The following LARGE1 variants were observed in gnomAD, a reference collection of about 807,000 sequenced individuals.
LARGE1 encodes xylosyl- and glucuronyltransferase LARGE1.
LARGE1 carries 43 observed loss-of-function variants against 87.6 expected under a neutral mutation model. The ratio of observed to expected loss-of-function variants is 0.49; its 90% CI spans 0.38 to 0.63. The LOEUF (loss-of-function observed/expected upper bound fraction) is 0.63, where lower values mean the gene tolerates loss of function less well. LARGE1 is among the 30% of genes least tolerant of loss of function. LARGE1 has a pLI of 0.00. For synonymous variants in LARGE1, 434 were observed against 394.6 expected (o/e 1.10, Z -1.18); for missense variants, 802 against 1,000.2 (o/e 0.80, Z 2.67).
the LARGE1 span, among the ~76,000 whole-genome samples, chr22:33,070,428 G>C: frequency 6.0e-4 from 91 of 152,306 alleles, no homozygotes; most frequent in African/African-American, 2.0e-3. Flanking sequence ...GGGTGGGTTA[G>C]AGAAGGTGGT....
rs565517366 is a variant in LARGE1 at position 33,859,874 on chromosome 22, C to T, written c.-83+60121G>A. 5.3e-5 allele frequency among the ~76,000 whole-genome samples: 8 copies of T among 152,288 alleles called. No homozygotes were observed. The East Asian group carries it at 1.4e-3, about 26-fold the overall frequency. On this transcript the variant is annotated intron_variant, in intron 1 of 14. Coordinates refer to ENST00000397394, the MANE Select transcript of LARGE1 (RefSeq NM_133642.5). ...CTCATGCTAAGTGAAATACGCCAGT[C>T]ACAAAACAACAAATACTATATCATT...
At chr22:33,135,107 C>T in the LARGE1 span, among the ~76,000 whole-genome samples, 1 of 152,172 alleles carries the variant, frequency 6.6e-6, no homozygotes, top group East Asian at 1.9e-4. Context: ...TCTCAGTGAG[C>T]ACATGGGTGT....
intron 2 of LARGE1, chr22:33,704,723 T>C (rs996023224): frequency 2.0e-5 from 3 of 152,386 alleles, no homozygotes; most frequent in Admixed American, 2.0e-4. Flanking sequence ...TTACTCCTGA[T>C]ACACCAACCT....
intron 6 of LARGE1, among the ~76,000 whole-genome samples, chr22:33,439,920 C>T (rs535819810): frequency 1.3e-3 from 192 of 152,186 alleles, no homozygotes; most frequent in Non-Finnish European, 2.4e-3. Context: ...TTCCTCACAT[C>T]CTTGCCATGC....
chr22:33,813,295 A>G (rs951763481), intron 1 of LARGE1, among the ~76,000 whole-genome samples: 1 of 152,024 alleles, frequency 6.6e-6, no homozygotes, highest in East Asian at 1.9e-4. Flanking sequence ...AAGAATCAAC[A>G]AGCTTCCCCA....
Position 33,272,686 on chromosome 22 carries a change from T to C in LARGE1, c.*1741A>G, listed in dbSNP as rs1928390249. 6.6e-6 allele frequency among the ~76,000 whole-genome samples: 1 copy of C among 152,214 alleles called. No individual in the cohort carries two copies. The highest frequency in any genetic ancestry group is 6.5e-5 in the Admixed American group (1 of 15,280). On this transcript the variant is annotated 3_prime_UTR_variant, in exon 15 of 15. Coordinates refer to ENST00000397394, the MANE Select transcript of LARGE1 (RefSeq NM_133642.5). The stretch of plus-strand genomic sequence containing the variant: ...TAATTTTCCTAATTCTTGTATAAAT[T>C]TCCGTGTAACATCCACTTGAGCATG...
At chr22:33,086,849 C>T in the LARGE1 span, among the ~76,000 whole-genome samples, 2 of 152,146 alleles carry the variant, frequency 1.3e-5, no homozygotes, top group South Asian at 2.1e-4. Flanking sequence ...CCAAACCCAG[C>T]CCCACTTTTT....
intron 1 of LARGE1, among the ~76,000 whole-genome samples, chr22:33,855,151 G>A (rs910583239): frequency 9.2e-5 from 14 of 152,216 alleles, no homozygotes; most frequent in African/African-American, 2.2e-4. Context: ...TGGCAAACAC[G>A]GTGAAACCCT....
chr22:33,464,876 C>T (rs1284458968), intron 6 of LARGE1, among the ~76,000 whole-genome samples: 5 of 115,656 alleles, frequency 4.3e-5, no homozygotes, highest in Non-Finnish European at 6.7e-5. Context: ...ACACACTGCA[C>T]ACACATGCAC....
At chr22:33,556,568 C>G (rs55739058) in intron 6 of LARGE1, among the ~76,000 whole-genome samples, 7,348 of 43,822 alleles carry the variant, frequency 0.17, 1,375 homozygotes, top group African/African-American at 0.42. Context: ...GGGAGGGAGG[C>G]AGGCAGGCAG....
rs769790373 is a variant in LARGE1, at chr22:33,304,462, G to A, written c.1497C>T (p.Ile499=). ...CGTCTGACAGGTAGAGGGCCAGGCT[G>A]ATGGGCCCCTCCCAGTGCTTGCAGA... The part of the protein sequence containing the change: ...EAICKHWEGP[I]SLALYLSDAE... Residue 499 remains isoleucine (I), a synonymous_variant, in exon 12 of 15, where the codon ATC becomes ATT. Coordinates refer to ENST00000397394, the MANE Select transcript of LARGE1 (RefSeq NM_133642.5). 5.6e-6 allele frequency: 9 copies of A among 1,612,622 alleles called. No individual in the cohort carries two copies. The highest frequency in any genetic ancestry group is 7.6e-6 in the Non-Finnish European group (9 of 1,179,256).
chr22:33,707,019 C>T (rs1603212368), intron 2 of LARGE1, among the ~76,000 whole-genome samples: 1 of 152,344 alleles, frequency 6.6e-6, no homozygotes, highest in Middle Eastern at 3.4e-3. Flanking sequence ...TAAGGTGTGT[C>T]TTCCAGAATG....
intron 1 of LARGE1, among the ~76,000 whole-genome samples, chr22:33,896,386 T>C (rs2065145932): frequency 6.6e-6 from 1 of 152,236 alleles, no homozygotes; most frequent in Non-Finnish European, 1.5e-5. Context: ...GACGCTGCTA[T>C]GAACATGAGT....
At chr22:33,555,448 G>A (rs1235610234) in intron 6 of LARGE1, among the ~76,000 whole-genome samples, 2 of 152,140 alleles carry the variant, frequency 1.3e-5, no homozygotes, top group Admixed American at 6.6e-5. Flanking sequence ...ATGGGATGGT[G>A]TCTCAGGCTT....
intron 1 of LARGE1, among the ~76,000 whole-genome samples, chr22:33,838,293 G>A (rs763429537): frequency 2.0e-5 from 3 of 152,074 alleles, no homozygotes; most frequent in South Asian, 2.1e-4. Flanking sequence ...CTGAAATCTC[G>A]TCTATTCAAT....
At chr22:33,875,895 G>A (rs1335622521) in intron 1 of LARGE1, among the ~76,000 whole-genome samples, 1 of 152,104 alleles carries the variant, frequency 6.6e-6, no homozygotes, top group African/African-American at 2.4e-5. Context: ...CAGTGCCCGG[G>A]GGCCAGGAGC....
At chr22:33,496,231 A>C (rs1344262687) in intron 6 of LARGE1, among the ~76,000 whole-genome samples, 1 of 152,052 alleles carries the variant, frequency 6.6e-6, no homozygotes, top group East Asian at 1.9e-4. Flanking sequence ...GATTGTCCCC[A>C]CCCAGATTGA....
chr22:33,283,333 C>G lies in LARGE1; in HGVS notation c.1746G>C (p.Gln582His), dbSNP rs114161191. The change falls in exon 13 of 15, where the codon CAG (glutamine) becomes CAC (histidine). Residue 582 changes from glutamine (Q) to histidine (H), a missense_variant. Transcript: ENST00000397394. ...CTTTCTTGGTGTTGGCAAGATCGAG[C>G]TGGATGACAGACTTCCTGAAAAGAG... The part of the protein sequence containing the change: ...LYEYLRKSVI[Q>H]LDLANTKKAM... 2 of 1,614,178 alleles carry G rather than the reference C, an allele frequency of 1.2e-6. No individual in the cohort carries two copies. Among genetic ancestry groups the G allele is most frequent in the Middle Eastern group, 1.6e-4 (1 of 6,062 alleles).
intron 7 of LARGE1, among the ~76,000 whole-genome samples, chr22:33,431,954 A>C (rs2067095741): frequency 6.6e-6 from 1 of 152,198 alleles, no homozygotes; most frequent in Non-Finnish European, 1.5e-5. Flanking sequence ...GAGATGCCAC[A>C]GACTGCCACA....
Sources: allele counts gnomAD v4.1 joint callset (sites outside exome capture counted in the v4.1 genomes callset), GRCh38; gene constraint gnomAD v4.1.1; transcripts MANE v1.5; gene names NCBI Gene and HGNC (gene_info 2026-07-23, HGNC 2026-07-21).